Variants in NCK1 observed in about 807,000 individuals in gnomAD.
NCK1 encodes NCK adaptor protein 1.
Under a neutral mutation model 36.6 loss-of-function variants are expected in NCK1, and 19 were observed. The ratio of observed to expected loss-of-function variants is 0.52; its 90% CI spans 0.36 to 0.76. The LOEUF (loss-of-function observed/expected upper bound fraction) is 0.76, where lower values mean the gene tolerates loss of function less well. Among genes scored for constraint, NCK1 ranks in the 30% least tolerant of loss-of-function variants. The pLI is 0.00. For missense variants in NCK1, 358 were observed against 445.6 expected (o/e 0.80, Z 1.77); for synonymous variants, 165 against 156.0 (o/e 1.06, Z -0.43).
rs1337824959 is a variant in NCK1 at position 136,949,982 on chromosome 3, A to G, written c.*1529A>G. Among the ~76,000 whole-genome samples the G allele has an allele frequency of 6.6e-6, 1 of 152,072 alleles. No homozygotes were observed. On this transcript the variant is annotated 3_prime_UTR_variant, in exon 4 of 4. Coordinates refer to ENST00000481752, the MANE Select transcript of NCK1 (RefSeq NM_001291999.2). ...ATTAAGACAAATTTTCATCTCTATT[A>G]CATCTGCTTTTAAAACATTTTAGTT...
intron 1 of NCK1, among the ~76,000 whole-genome samples, chr3:136,890,851 C>T (rs1939224282): frequency 6.6e-6 from 1 of 152,288 alleles, no homozygotes; most frequent in East Asian, 1.9e-4. Flanking sequence ...ATTTTTGCCA[C>T]CTGAAACTCT....
intron 1 of NCK1, among the ~76,000 whole-genome samples, chr3:136,912,738 CT>C (rs1048945461): frequency 6.6e-6 from 1 of 151,936 alleles, no homozygotes; most frequent in African/African-American, 2.4e-5. Context: ...TCACTGCAGC[CT>C]CAAACTCCTG....
At chr3:136,947,485 T>C (rs1185068634) in intron 3 of NCK1, among the ~76,000 whole-genome samples, 1 of 152,160 alleles carries the variant, frequency 6.6e-6, no homozygotes. Context: ...TAGGCATATT[T>C]TGTTTAGCCT....
intron 2 of NCK1, among the ~76,000 whole-genome samples, chr3:136,944,950 T>A (rs942938546): frequency 2.5e-4 from 38 of 152,200 alleles, no homozygotes; most frequent in Admixed American, 2.1e-3. Flanking sequence ...TGGGATTCTA[T>A]CTGTAAACAA....
intron 1 of NCK1, among the ~76,000 whole-genome samples, chr3:136,882,917 C>A (rs1938982296): frequency 6.6e-6 from 1 of 152,106 alleles, no homozygotes; most frequent in East Asian, 1.9e-4. Context: ...TTGCTTAAAA[C>A]CCTTATTACA....
At chr3:136,890,849 C>A (rs1186458508) in intron 1 of NCK1, among the ~76,000 whole-genome samples, 1 of 152,092 alleles carries the variant, frequency 6.6e-6, no homozygotes, top group Non-Finnish European at 1.5e-5. Context: ...TCATTTTTGC[C>A]ACCTGAAACT....
intron 2 of NCK1, among the ~76,000 whole-genome samples, chr3:136,941,931 C>T (rs534330384): frequency 1.6e-4 from 25 of 152,246 alleles, no homozygotes; most frequent in Middle Eastern, 3.4e-3. Context: ...CTCCACCTCC[C>T]GGGTTCAAGC....
intron 1 of NCK1, among the ~76,000 whole-genome samples, chr3:136,911,744 A>G (rs993745494): frequency 1.3e-5 from 2 of 152,128 alleles, no homozygotes; most frequent in Admixed American, 6.5e-5. Context: ...CTCTTTTAGC[A>G]TTTCTTGCAC....
intron 1 of NCK1, among the ~76,000 whole-genome samples, chr3:136,912,162 C>CTTTTTTTT (rs57596314): frequency 3.1e-5 from 4 of 128,162 alleles, no homozygotes; most frequent in Non-Finnish European, 6.4e-5. Context: ...ATTATTTTTT[C>CTTTTTTTT]TTTTTTTTTT....
Position 136,893,183 on chromosome 3 carries a change from T to C in NCK1, c.-19+30830T>C, listed in dbSNP as rs1939297096. ...GTGTGTGTGTGTGTGTGTGTGTATA[T>C]ATATATATACACACATGTGCAAGTA... On this transcript the variant is annotated intron_variant, in intron 1 of 3. Transcript: ENST00000481752. Among the ~76,000 whole-genome samples the C allele has an allele frequency of 8.4e-4, 15 of 17,938 alleles. 1 individual carries two copies. Among genetic ancestry groups the C allele is most frequent in the African/African-American group, 2.0e-3 (14 of 7,120 alleles). 11.8% of individuals were successfully genotyped at this position (17,938 alleles called of 152,430 possible).
intron 2 of NCK1, among the ~76,000 whole-genome samples, chr3:136,936,160 C>T (rs1940525547): frequency 6.6e-6 from 1 of 151,964 alleles, no homozygotes; most frequent in South Asian, 2.1e-4. Context: ...CCTGCCTCAG[C>T]CTCCCAAGTA....
chr3:136,900,233 A>T (rs1939508141), intron 1 of NCK1, among the ~76,000 whole-genome samples: 1 of 152,228 alleles, frequency 6.6e-6, no homozygotes, highest in East Asian at 1.9e-4. Context: ...TTGTTGTTTA[A>T]TATAATCAGT....
At chr3:136,880,201 CGTGAACCCGGGAG>C (rs1415258790) in intron 1 of NCK1, among the ~76,000 whole-genome samples, 1 of 151,486 alleles carries the variant, frequency 6.6e-6, no homozygotes, top group African/African-American at 2.4e-5. Flanking sequence ...AGGAGAATGG[CGTGAACCCGGGAG>C]GTGGAGCTTG....
chr3:136,873,414 T>C (rs1008345737), intron 1 of NCK1, among the ~76,000 whole-genome samples: 1 of 152,200 alleles, frequency 6.6e-6, no homozygotes, highest in Non-Finnish European at 1.5e-5. Context: ...CCCCATCTTA[T>C]CTAGGAAGTA....
At chr3:136,871,637 C>T (rs951261178) in intron 1 of NCK1, among the ~76,000 whole-genome samples, 1 of 152,054 alleles carries the variant, frequency 6.6e-6, no homozygotes, top group Non-Finnish European at 1.5e-5. Flanking sequence ...ACTATTTTTG[C>T]CTGTTTTTGA....
In NCK1 at chr3:136,945,968, T is replaced by G. The variant is rs1940807828; in HGVS notation, c.612T>G (p.Ser204=). 2 of 1,614,078 alleles carry G rather than the reference T, an allele frequency of 1.2e-6. No individual in the cohort carries two copies. The highest frequency in any genetic ancestry group is 1.7e-6 in the Non-Finnish European group (2 of 1,179,986). The change falls in exon 3 of 4, where the codon TCT becomes TCG. Residue 204 remains serine, a synonymous_variant. Transcript: ENST00000481752. ...VVQALYPFSS[S]NDEELNFEKG... ...AGGCTCTTTACCCATTCAGCTCATC[T>G]AATGATGAAGAACTTAATTTCGAGA...
At chr3:136,941,797 C>T (rs1269983798) in intron 2 of NCK1, among the ~76,000 whole-genome samples, 1 of 151,790 alleles carries the variant, frequency 6.6e-6, no homozygotes, top group Non-Finnish European at 1.5e-5. Context: ...CATATGACTT[C>T]AAATTACTGT....
At chr3:136,901,436 T>C (rs1009631336) in intron 1 of NCK1, among the ~76,000 whole-genome samples, 9 of 152,038 alleles carry the variant, frequency 5.9e-5, no homozygotes, top group Admixed American at 1.3e-4. Flanking sequence ...CCTTGTAGAA[T>C]GAGTTGGGGA....
chr3:136,879,220 T>G (rs1306115101), intron 1 of NCK1, among the ~76,000 whole-genome samples: 1 of 149,776 alleles, frequency 6.7e-6, no homozygotes, highest in Non-Finnish European at 1.5e-5. Context: ...AGATGGAAAA[T>G]AAATGAGAAA....
Sources: gnomAD v4.1 joint callset for allele counts (sites outside exome capture counted in the v4.1 genomes callset) on GRCh38, gnomAD v4.1.1 for gene constraint, MANE v1.5 for transcripts, NCBI Gene and HGNC (gene_info 2026-07-23, HGNC 2026-07-21) for gene names.